The following DHX40 variants were observed in gnomAD, a reference collection of about 807,000 sequenced individuals.
DHX40 encodes DEAH-box helicase 40.
DHX40 carries 28 observed loss-of-function variants against 89.6 expected under a neutral mutation model. That is an observed-to-expected ratio of 0.31 (90% CI 0.23 to 0.43). The LOEUF (loss-of-function observed/expected upper bound fraction) is 0.43, where lower values mean the gene tolerates loss of function less well. Among genes scored for constraint, DHX40 ranks in the 20% least tolerant of loss-of-function variants. DHX40 has a pLI of 1.00. For synonymous variants in DHX40, 226 were observed against 283.6 expected, an observed-to-expected ratio of 0.80 and a Z score of 2.04; for missense variants, 457 against 844.0, an observed-to-expected ratio of 0.54 and a Z score of 5.68.
At chr17:59,569,522 T>C (rs933931156) in intron 2 of DHX40, among the ~76,000 whole-genome samples, 3 of 148,120 alleles carry the variant, frequency 2.0e-5, no homozygotes, top group South Asian at 4.2e-4. Flanking sequence ...AAAAAATATA[T>C]TTTTTACAAA....
Position 59,605,562 on chromosome 17 carries a change from A to G in DHX40, c.2088A>G (p.Leu696=). The G allele has an allele frequency of 6.2e-7, 1 of 1,614,192 alleles. No homozygotes were observed. Among genetic ancestry groups the G allele is most frequent in the Non-Finnish European group, 8.5e-7 (1 of 1,180,042 alleles). Residue 696 remains leucine, a synonymous_variant, in exon 17 of 18, where the codon TTA becomes TTG. Transcript: ENST00000251241. ...PIRYEWVRDL[L]PKLHEFNAHD... is the part of the protein sequence containing the mutation. ...GTTATGAATGGGTAAGAGACTTGTT[A>G]CCCAAGTTGCATGAATTTAATGCAC...
At position 59,592,433 on chromosome 17, in the gene DHX40, C is replaced by T. The variant is rs1456735776; in HGVS notation, c.1582+4380C>T. Reference sequence around the variant, plus strand: ...ATGCTTATACCCATGTAACCCAAGCCCTGTCAATATATAGAACATTTTTAT... The same window carrying T: ...ATGCTTATACCCATGTAACCCAAGCTCTGTCAATATATAGAACATTTTTAT... On this transcript the variant is annotated intron_variant, in intron 12 of 17. Coordinates refer to ENST00000251241, the MANE Select transcript of DHX40 (RefSeq NM_024612.5). Among the ~76,000 whole-genome samples, 12 of 144,028 alleles carry T rather than the reference C, an allele frequency of 8.3e-5. No individual in the cohort carries two copies. The East Asian group carries it at 2.5e-3, about 30-fold the overall frequency. 94.5% of individuals were successfully genotyped at this position (144,028 alleles called of 152,430 possible). A position where few individuals can be genotyped will look rare whatever the true frequency, so the allele number is the denominator to read the frequency against.
At chr17:59,574,524 A>G (rs1257190949) in intron 6 of DHX40, among the ~76,000 whole-genome samples, 1 of 151,328 alleles carries the variant, frequency 6.6e-6, no homozygotes, top group Admixed American at 6.6e-5. Context: ...ACATAGTAGT[A>G]TATGTCAAAG....
At chr17:59,597,860 G>A (rs1209908503) in intron 12 of DHX40, among the ~76,000 whole-genome samples, 4 of 150,840 alleles carry the variant, frequency 2.7e-5, no homozygotes, top group East Asian at 4.0e-4. Flanking sequence ...GTGTGAACCC[G>A]GGAGGCGGAG....
In DHX40 at chr17:59,570,674, C is replaced by G; in HGVS notation, c.426+11C>G. The G allele has an allele frequency of 6.3e-7, 1 of 1,598,694 alleles. No individual in the cohort carries two copies. Among genetic ancestry groups the G allele is most frequent in the South Asian group, 1.1e-5 (1 of 89,254 alleles). ...GATTGCAGTTCTAAGGTACAAAAGT[C>G]TTGTTGGTATTTGTTTCTTTTCTTT... On this transcript the variant is annotated intron_variant, in intron 3 of 17. Coordinates refer to ENST00000251241, the MANE Select transcript of DHX40 (RefSeq NM_024612.5).
Position 59,607,058 on chromosome 17 carries a change from G to A in DHX40, c.2226G>A (p.Lys742=), listed in dbSNP as rs776398264. 7 of 1,613,682 alleles carry A rather than the reference G, an allele frequency of 4.3e-6. No homozygotes were observed. In the Admixed American group the frequency reaches 1.2e-4, roughly 27 times the overall value. The change falls in exon 18 of 18, where the codon AAG becomes AAA. Residue 742 remains lysine (K), a synonymous_variant. Transcript: ENST00000251241. ...LKDGISKDVL[K]KMQRRNDDKS... ...ATGGAATATCGAAAGACGTCTTAAAGAAAATGCAAAGAAGAAATGATGACA... is the reference window on the plus strand; with the variant it reads ...ATGGAATATCGAAAGACGTCTTAAAAAAAATGCAAAGAAGAAATGATGACA...
In DHX40 at chr17:59,597,884, G is replaced by A. The variant is rs569437223; in HGVS notation, c.1583-853G>A. ...CGGGAGGCGGAGCTTGCAGTGAGCCGAGATCGCGCCACTACACTCCAGTCT... is the reference window on the plus strand; with the variant it reads ...CGGGAGGCGGAGCTTGCAGTGAGCCAAGATCGCGCCACTACACTCCAGTCT... On this transcript the variant is annotated intron_variant, in intron 12 of 17. Transcript: ENST00000251241. Among the ~76,000 whole-genome samples, 20 of 144,374 alleles carry A rather than the reference G, an allele frequency of 1.4e-4. 1 individual carries two copies. In the South Asian group the frequency reaches 3.7e-3, roughly 27 times the overall value. 94.7% of individuals were successfully genotyped at this position (144,374 alleles called of 152,430 possible). A position where few individuals can be genotyped will look rare whatever the true frequency, so the allele number is the denominator to read the frequency against.
In DHX40 at chr17:59,607,162, A is replaced by G. The variant is rs922991360; in HGVS notation, c.2330A>G (p.Glu777Gly). 4 of 1,614,236 alleles carry G rather than the reference A, an allele frequency of 2.5e-6. No individual in the cohort carries two copies. The highest frequency in any genetic ancestry group is 3.4e-6 in the Non-Finnish European group (4 of 1,180,042). ...CAGGACCACAGTGACACACGAAAGG[A>G]AACAGGCTAAGGTGGTGAACCCTCC... Reference protein sequence around the residue: ...RTQDHSDTRKETG With the variant: ...RTQDHSDTRKGTG The change falls in exon 18 of 18, where the codon GAA becomes GGA. Residue 777 changes from glutamate (E) to glycine (G), a missense_variant. Glu to Gly is a moderately conservative substitution (Grantham distance 98). Around this residue, in one of 9 missense-constraint regions of DHX40, gnomAD observed 120 missense variants for 161.7 expected, o/e 0.74. Coordinates refer to ENST00000251241, the MANE Select transcript of DHX40 (RefSeq NM_024612.5).
Position 59,570,501 on chromosome 17 carries a change from A to C in DHX40, c.281-17A>C, listed in dbSNP as rs761112572. On this transcript the variant is annotated splice_polypyrimidine_tract_variant and intron_variant, in intron 2 of 17. Coordinates refer to ENST00000251241, the MANE Select transcript of DHX40 (RefSeq NM_024612.5). ...ATTGCTAACATTGTTGTGTTTCTTT[A>C]TCTCTGGTTTTGATAGGGTTTTCAC... 1.9e-6 allele frequency: 3 copies of C among 1,580,040 alleles called. No homozygotes were observed.
At chr17:59,602,746 A>G in intron 15 of DHX40, 130 bp downstream of exon 15, 1 of 814,530 alleles carries the variant, frequency 1.2e-6, no homozygotes. Context: ...AATTACAGTG[A>G]CGAGGGAGAG....
chr17:59,575,229 G>A (rs2048864253), intron 6 of DHX40, 111 bp from the exon 7 acceptor site: 1 of 812,066 alleles, frequency 1.2e-6, no homozygotes, highest in Admixed American at 3.4e-5. Context: ...CATTAAATGA[G>A]AGATTTACAA....
chr17:59,606,238 A>T (rs887695610), intron 17 of DHX40, among the ~76,000 whole-genome samples: 1 of 152,056 alleles, frequency 6.6e-6, no homozygotes, highest in Non-Finnish European at 1.5e-5. Flanking sequence ...GGCTTTTTCT[A>T]TGAAATAATT....
At chr17:59,591,865 C>T (rs147211397) in intron 12 of DHX40, among the ~76,000 whole-genome samples, 2 of 151,596 alleles carry the variant, frequency 1.3e-5, no homozygotes, top group African/African-American at 4.8e-5. Flanking sequence ...AATCAAAATT[C>T]GGAAATTGTT....
Position 59,575,455 on chromosome 17 carries a change from T to C in DHX40, c.957T>C (p.Tyr319=). ...ATGGCTTGTTAATATTGCCGTGTTA[T>C]GGATCAATGACAACAGGTAATTTCT... ...TLDGLLILPC[Y]GSMTTDQQRR... Residue 319 remains tyrosine (Y), a synonymous_variant, in exon 7 of 18, where the codon TAT becomes TAC. Coordinates refer to ENST00000251241, the MANE Select transcript of DHX40 (RefSeq NM_024612.5). The C allele has an allele frequency of 6.2e-7, 1 of 1,612,488 alleles. No homozygotes were observed. The highest frequency in any genetic ancestry group is 8.5e-7 in the Non-Finnish European group (1 of 1,179,454).
chr17:59,596,634 A>G (rs930165791), intron 12 of DHX40, among the ~76,000 whole-genome samples: 12 of 152,190 alleles, frequency 7.9e-5, no homozygotes, highest in African/African-American at 2.9e-4. Flanking sequence ...ATAATCATTT[A>G]TATCTTTTCC....
At chr17:59,573,525 T>C (rs552573977) in intron 4 of DHX40, among the ~76,000 whole-genome samples, 9 of 152,080 alleles carry the variant, frequency 5.9e-5, no homozygotes, top group South Asian at 2.1e-4. Context: ...GTAGAGACAG[T>C]GTCTCGTTTT....
chr17:59,586,372 T>G (rs2048996998), intron 11 of DHX40, 139 bp downstream of exon 11: 1 of 871,204 alleles, frequency 1.1e-6, no homozygotes, highest in Admixed American at 2.9e-5. Context: ...CAATTCTGAT[T>G]GAAAAACCAG....
intron 11 of DHX40, 115 bp from the exon 12 acceptor site, chr17:59,587,781 C>T: frequency 7.1e-7 from 1 of 1,412,524 alleles, no homozygotes. Flanking sequence ...TTGAATTGAA[C>T]TTCTGGAGGT....
In DHX40 at chr17:59,570,135, ATATAT is replaced by A. The variant is rs535128331; in HGVS notation, c.281-378_281-374del. The stretch of plus-strand genomic sequence containing the variant: ...ATATTATAATGTATATTTATATATA[ATATAT>A]TATAAATTATATAATACATATAATA... On this transcript the variant is annotated intron_variant, in intron 2 of 17. Coordinates refer to ENST00000251241, the MANE Select transcript of DHX40 (RefSeq NM_024612.5). Among the ~76,000 whole-genome samples, 1,227 of 129,980 alleles carry A rather than the reference ATATAT, an allele frequency of 9.4e-3. 24 individuals are homozygous for A. The highest frequency in any genetic ancestry group is 0.034 in the African/African-American group (1,138 of 33,634). The allele number at this position is 129,980 out of a possible 152,430, so 85.3% of individuals were successfully genotyped here.
Sources: gnomAD v4.1 joint callset for allele counts (sites outside exome capture counted in the v4.1 genomes callset) on GRCh38, gnomAD v4.1.1 for gene constraint, gnomAD v4.1.1 regional missense constraint, MANE v1.5 for transcripts, NCBI Gene and HGNC (gene_info 2026-07-23, HGNC 2026-07-21) for gene names.